The following KCNIP4 variants were observed in gnomAD, a reference collection of about 807,000 sequenced individuals.
KCNIP4 encodes Kv channel-interacting protein 4.
A neutral mutation model predicts 34.0 loss-of-function variants in KCNIP4; 12 were observed. The observed-to-expected ratio is 0.35, with a 90% CI of 0.23 to 0.57. The LOEUF (loss-of-function observed/expected upper bound fraction) is 0.57, where lower values mean the gene tolerates loss of function less well. KCNIP4 is among the 20% of genes least tolerant of loss of function. KCNIP4 has a pLI of 0.83. For missense variants in KCNIP4, 238 were observed against 311.7 expected (o/e 0.76, Z 1.78); for synonymous variants, 124 against 102.2 (o/e 1.21, Z -1.29).
rs965820506 is a variant in KCNIP4, at chr4:21,860,144, GT to G, written c.61+88426del. Among the ~76,000 whole-genome samples, 4 of 151,918 alleles carry G rather than the reference GT, an allele frequency of 2.6e-5. No homozygotes were observed. In the East Asian group the frequency reaches 7.8e-4, roughly 30 times the overall value. Reference sequence around the variant, plus strand: ...TTGTCAATAATTTTTGTTTTGTTTTGTTTTTTTGAGATGAAGTCTCACTCTG... The same window carrying G: ...TTGTCAATAATTTTTGTTTTGTTTTGTTTTTTGAGATGAAGTCTCACTCTG... On this transcript the variant is annotated intron_variant, in intron 1 of 8. Transcript: ENST00000382152.
intron 1 of KCNIP4, among the ~76,000 whole-genome samples, chr4:21,337,080 A>AAGGGAGAGGGGCAAGGAT (rs1716249543): frequency 6.6e-6 from 1 of 152,002 alleles, no homozygotes; most frequent in Non-Finnish European, 1.5e-5. Context: ...GAAGACAGTG[A>AAGGGAGAGGGGCAAGGAT]AGGGAGAGGG....
intron 1 of KCNIP4, among the ~76,000 whole-genome samples, chr4:21,631,668 CT>C (rs1313598479): frequency 6.6e-6 from 1 of 152,170 alleles, no homozygotes; most frequent in Non-Finnish European, 1.5e-5. Context: ...TCAGGCCTGC[CT>C]TTCCTCAATT....
intron 1 of KCNIP4, among the ~76,000 whole-genome samples, chr4:21,838,082 T>G (rs529101585): frequency 2.6e-5 from 4 of 152,312 alleles, no homozygotes; most frequent in African/African-American, 9.6e-5. Context: ...AGAAGTAATT[T>G]CTAATTCACA....
intron 1 of KCNIP4, among the ~76,000 whole-genome samples, chr4:21,017,608 T>C (rs1739662568): frequency 6.6e-6 from 1 of 152,190 alleles, no homozygotes; most frequent in Non-Finnish European, 1.5e-5. Context: ...GCATTTGGCT[T>C]GATTCCATGT....
intron 1 of KCNIP4, among the ~76,000 whole-genome samples, chr4:21,098,671 C>A (rs1197106875): frequency 6.6e-6 from 1 of 152,250 alleles, no homozygotes; most frequent in Admixed American, 6.5e-5. Flanking sequence ...TGCTTATGGA[C>A]AATACACCTG....
chr4:21,720,825 A>G (rs1319260550), intron 1 of KCNIP4, among the ~76,000 whole-genome samples: 1 of 151,934 alleles, frequency 6.6e-6, no homozygotes, highest in Non-Finnish European at 1.5e-5. Context: ...AGCTTCATCC[A>G]TGTCCCTACA....
intron 1 of KCNIP4, among the ~76,000 whole-genome samples, chr4:21,917,216 C>T (rs540220826): frequency 6.6e-6 from 1 of 152,132 alleles, no homozygotes; most frequent in South Asian, 2.1e-4. Context: ...CTCACTGCAA[C>T]CTCCACCTCT....
At chr4:20,960,515 C>A (rs1484676911) in intron 1 of KCNIP4, among the ~76,000 whole-genome samples, 1 of 152,162 alleles carries the variant, frequency 6.6e-6, no homozygotes, top group Non-Finnish European at 1.5e-5. Context: ...CCCAGTCTGG[C>A]AGATAATGCA....
intron 1 of KCNIP4, among the ~76,000 whole-genome samples, chr4:21,526,180 T>C (rs1158643245): frequency 6.6e-6 from 1 of 152,172 alleles, no homozygotes; most frequent in Admixed American, 6.5e-5. Context: ...AATCCCTACA[T>C]GTCATGACAT....
intron 1 of KCNIP4, among the ~76,000 whole-genome samples, chr4:21,945,502 C>T (rs1423310470): frequency 6.6e-6 from 1 of 152,168 alleles, no homozygotes; most frequent in African/African-American, 2.4e-5. Flanking sequence ...ATTTTTAAAA[C>T]ACATGAAACT....
At chr4:21,624,062 T>C (rs1233791084) in intron 1 of KCNIP4, among the ~76,000 whole-genome samples, 1 of 152,168 alleles carries the variant, frequency 6.6e-6, no homozygotes, top group African/African-American at 2.4e-5. Context: ...CAATTAGCCC[T>C]TTCTTCCCTT....
chr4:21,841,685 A>G (rs903203936), intron 1 of KCNIP4, among the ~76,000 whole-genome samples: 8 of 152,186 alleles, frequency 5.3e-5, no homozygotes, highest in African/African-American at 1.9e-4. Context: ...CAAAATCTAT[A>G]GGTTGTTTTG....
chr4:21,294,094 A>T (rs997043881), intron 1 of KCNIP4, among the ~76,000 whole-genome samples: 1 of 152,176 alleles, frequency 6.6e-6, no homozygotes, highest in African/African-American at 2.4e-5. Flanking sequence ...TGTTAATATG[A>T]ATGATCATAT....
At chr4:21,085,808 C>T (rs560121177) in intron 1 of KCNIP4, among the ~76,000 whole-genome samples, 4 of 152,280 alleles carry the variant, frequency 2.6e-5, no homozygotes, top group East Asian at 1.9e-4. Context: ...GAAGTTCACA[C>T]GTATGCTAGG....
intron 1 of KCNIP4, among the ~76,000 whole-genome samples, chr4:21,405,397 C>G (rs150240702): frequency 1.2e-4 from 18 of 151,048 alleles, no homozygotes; most frequent in African/African-American, 4.4e-4. Context: ...CATAACTAAA[C>G]AAAAAAAAAC....
chr4:21,188,544 T>C (rs966906516), intron 1 of KCNIP4, among the ~76,000 whole-genome samples: 1 of 152,224 alleles, frequency 6.6e-6, no homozygotes, highest in Admixed American at 6.5e-5. Context: ...AGAGAATTGC[T>C]AAGACATTCA....
At chr4:21,473,699 C>T (rs931735518) in intron 1 of KCNIP4, among the ~76,000 whole-genome samples, 3 of 150,638 alleles carry the variant, frequency 2.0e-5, no homozygotes, top group African/African-American at 7.4e-5. Flanking sequence ...GGGAGCAACA[C>T]AGAAGACTGA....
intron 1 of KCNIP4, among the ~76,000 whole-genome samples, chr4:20,964,488 T>G (rs1220265180): frequency 6.6e-6 from 1 of 152,242 alleles, no homozygotes; most frequent in Non-Finnish European, 1.5e-5. Flanking sequence ...AAAGTGCACT[T>G]CAGCCTGAAG....
chr4:21,593,305 C>T (rs71607086), intron 1 of KCNIP4, among the ~76,000 whole-genome samples: 7,646 of 152,114 alleles, frequency 0.05, 292 homozygotes, highest in Middle Eastern at 0.12. Context: ...GTTAAATTTA[C>T]CCTAAAATTG....
Sources: gnomAD v4.1 joint callset for allele counts (sites outside exome capture counted in the v4.1 genomes callset) on GRCh38, gnomAD v4.1.1 for gene constraint, MANE v1.5 for transcripts, NCBI Gene and HGNC (gene_info 2026-07-23, HGNC 2026-07-21) for gene names.